Variants in PTPN4 observed in about 807,000 individuals in gnomAD.
PTPN4 encodes protein tyrosine phosphatase non-receptor type 4, also known as tyrosine-protein phosphatase non-receptor type 4.
Under a neutral mutation model 135.5 loss-of-function variants are expected in PTPN4, and 49 were observed. The observed-to-expected ratio is 0.36, with a 90% CI of 0.29 to 0.46. PTPN4 has a LOEUF of 0.46. Among genes scored for constraint, PTPN4 ranks in the 20% least tolerant of loss-of-function variants. The pLI is 1.00. For synonymous variants in PTPN4, 333 were observed against 369.9 expected (o/e 0.90, Z 1.14); for missense variants, 860 against 1,101.0 (o/e 0.78, Z 3.10).
chr2:119,950,715 C>G (rs1679200512), intron 18 of PTPN4, among the ~76,000 whole-genome samples: 1 of 152,182 alleles, frequency 6.6e-6, no homozygotes, highest in African/African-American at 2.4e-5. Context: ...TCAAAATTCA[C>G]TCTCATATGT....
At chr2:119,928,915 G>A (rs1427151141) in intron 13 of PTPN4, among the ~76,000 whole-genome samples, 1 of 152,012 alleles carries the variant, frequency 6.6e-6, no homozygotes, top group Admixed American at 6.6e-5. Context: ...AAGTGTTAAT[G>A]TTTTCATGTT....
At chr2:119,801,908 T>G (rs1027265383) in intron 1 of PTPN4, among the ~76,000 whole-genome samples, 25 of 146,684 alleles carry the variant, frequency 1.7e-4, no homozygotes, top group African/African-American at 6.2e-4. Context: ...CCGTTTTTTT[T>G]TTTTTTTTTT....
chr2:119,764,434 T>C, intron 1 of PTPN4, among the ~76,000 whole-genome samples: 1 of 152,238 alleles, frequency 6.6e-6, no homozygotes, highest in East Asian at 1.9e-4. Context: ...GAAAATAGTC[T>C]TGTTTTTTCC....
chr2:119,933,548 C>T (rs186432904), intron 14 of PTPN4, among the ~76,000 whole-genome samples: 13 of 151,136 alleles, frequency 8.6e-5, no homozygotes, highest in South Asian at 4.2e-4. Flanking sequence ...AGCATGGTGG[C>T]GTGCACCTGT....
intron 18 of PTPN4, among the ~76,000 whole-genome samples, chr2:119,947,423 T>G (rs1189276761): frequency 6.6e-6 from 1 of 152,166 alleles, no homozygotes; most frequent in Non-Finnish European, 1.5e-5. Flanking sequence ...TTAAGGACCT[T>G]GTTTTTTGCG....
intron 15 of PTPN4, among the ~76,000 whole-genome samples, chr2:119,941,274 A>G (rs1218324866): frequency 2.0e-5 from 3 of 152,234 alleles, no homozygotes; most frequent in Non-Finnish European, 4.4e-5. Context: ...AGAAATGAAG[A>G]AGAAAGTTAT....
chr2:119,800,456 T>C (rs1691341540), intron 1 of PTPN4, among the ~76,000 whole-genome samples: 1 of 151,736 alleles, frequency 6.6e-6, no homozygotes, highest in South Asian at 2.1e-4. Context: ...TTTTTTTTTT[T>C]ACTGTTGAGT....
chr2:119,945,372 G>A (rs1294463494), intron 16 of PTPN4, 132 bp downstream of exon 16: 2 of 791,472 alleles, frequency 2.5e-6, no homozygotes, highest in African/African-American at 3.6e-5. Context: ...CATATTCTTT[G>A]GTCCTGAATT....
chr2:119,805,644 CTG>C (rs1298992237), intron 1 of PTPN4, among the ~76,000 whole-genome samples: 7 of 152,156 alleles, frequency 4.6e-5, no homozygotes, highest in African/African-American at 1.7e-4. Context: ...GTCTATCTCT[CTG>C]TTCTGATACC....
intron 2 of PTPN4, among the ~76,000 whole-genome samples, chr2:119,845,362 T>A (rs1677481169): frequency 6.6e-6 from 1 of 152,196 alleles, no homozygotes; most frequent in Admixed American, 6.5e-5. Context: ...TGGATCTGAT[T>A]TTTTCTTTAT....
chr2:119,962,797 T>C, intron 24 of PTPN4, 53 bp downstream of exon 24: 1 of 1,319,258 alleles, frequency 7.6e-7, no homozygotes, highest in Non-Finnish European at 1.0e-6. Context: ...GGGTAAAGAC[T>C]GAAAGCTGAA....
Position 119,845,905 on chromosome 2 carries a change from G to A in PTPN4, c.139-16631G>A, listed in dbSNP as rs145448078. ...TGTTATCTTCATTTTCATTTATATC[G>A]AAGTATTTTCTAATTTCTCTTGTGA... On this transcript the variant is annotated intron_variant, in intron 2 of 26. Transcript: ENST00000263708. Among the ~76,000 whole-genome samples, 119 of 152,130 alleles carry A rather than the reference G, an allele frequency of 7.8e-4. 1 individual carries two copies. The East Asian group carries it at 0.016, about 21-fold the overall frequency.
intron 11 of PTPN4, chr2:119,916,172 C>T (rs1325525498): frequency 6.6e-6 from 1 of 150,402 alleles, no homozygotes; most frequent in Non-Finnish European, 1.5e-5. Context: ...TGCACTCCAG[C>T]CTGGATGACA....
intron 9 of PTPN4, among the ~76,000 whole-genome samples, chr2:119,894,891 A>C (rs1678296619): frequency 6.6e-6 from 1 of 152,264 alleles, no homozygotes; most frequent in Non-Finnish European, 1.5e-5. Flanking sequence ...GATTAAAAAT[A>C]ACTATTTTTT....
chr2:119,952,121 G>A lies in PTPN4; in HGVS notation c.1805G>A (p.Arg602Gln), dbSNP rs757214548. 7 of 1,611,306 alleles carry A rather than the reference G, an allele frequency of 4.3e-6. No individual in the cohort carries two copies. Among genetic ancestry groups the A allele is most frequent in the East Asian group, 4.5e-5 (2 of 44,828 alleles). ...RHSGELMLLV[R>Q]PNAVYDVVEE... ...TCTGGGGAACTCATGCTTCTAGTTC[G>A]ACCTAATGGTGAGTACTCTATGTAG... The change falls in exon 19 of 27, where the codon CGA (arginine) becomes CAA (glutamine). Residue 602 changes from arginine to glutamine, a missense_variant. Physicochemically the swap from Arg to Gln is conservative, Grantham distance 43 (BLOSUM62 1). This residue lies in a region of PTPN4 where 684 missense variants were observed against 807.0 expected (regional missense o/e 0.85). Transcript: ENST00000263708.
chr2:119,936,773 CTG>C (rs978166369), intron 15 of PTPN4, among the ~76,000 whole-genome samples: 7 of 152,154 alleles, frequency 4.6e-5, no homozygotes, highest in Non-Finnish European at 7.3e-5. Context: ...TAGCTTGGAA[CTG>C]TGAAGAGTTT....
intron 15 of PTPN4, among the ~76,000 whole-genome samples, chr2:119,936,826 G>A (rs1350263285): frequency 6.6e-6 from 1 of 152,050 alleles, no homozygotes; most frequent in Non-Finnish European, 1.5e-5. Flanking sequence ...AAAATGCTTG[G>A]AGCCTTCTCC....
At chr2:119,796,553 G>T (rs1309807103) in intron 1 of PTPN4, among the ~76,000 whole-genome samples, 1 of 151,974 alleles carries the variant, frequency 6.6e-6, no homozygotes, top group Non-Finnish European at 1.5e-5. Flanking sequence ...TTTATTACTT[G>T]TATTCCATTT....
chr2:119,793,643 C>A (rs146666019), intron 1 of PTPN4, among the ~76,000 whole-genome samples: 8 of 151,982 alleles, frequency 5.3e-5, no homozygotes, highest in African/African-American at 1.9e-4. Context: ...GTATTAAAGT[C>A]GGGCGTAAGA....
Sources: gnomAD v4.1 joint callset for allele counts (sites outside exome capture counted in the v4.1 genomes callset) on GRCh38, gnomAD v4.1.1 for gene constraint, gnomAD v4.1.1 regional missense constraint, MANE v1.5 for transcripts, NCBI Gene and HGNC (gene_info 2026-07-23, HGNC 2026-07-21) for gene names.